Variants in CDH23 observed in about 807,000 individuals in gnomAD.
CDH23 encodes the protein cadherin-23.
CDH23 carries 189 observed loss-of-function variants against 317.1 expected under a neutral mutation model. The observed-to-expected ratio is 0.60, with a 90% CI of 0.53 to 0.67. The LOEUF is 0.67. Ranked by LOEUF, CDH23 falls within the 30% of genes least tolerant of loss-of-function variation. The pLI is 0.00. For missense variants in CDH23, 4,401 were observed against 4,592.4 expected (o/e 0.96, Z 1.20); for synonymous variants, 1,839 against 1,876.8 (o/e 0.98, Z 0.52).
intron 11 of CDH23, among the ~76,000 whole-genome samples, chr10:71,639,683 G>A (rs1347608362): frequency 1.3e-5 from 2 of 152,180 alleles, no homozygotes; most frequent in East Asian, 1.9e-4. Context: ...GGAGTGGACT[G>A]ACGCTGTCTT....
At chr10:71,610,113 T>C (rs1860785397) in intron 9 of CDH23, among the ~76,000 whole-genome samples, 1 of 152,136 alleles carries the variant, frequency 6.6e-6, no homozygotes, top group Non-Finnish European at 1.5e-5. Context: ...CAAACAATTC[T>C]CCTGCTCAGC....
intron 38 of CDH23, among the ~76,000 whole-genome samples, chr10:71,745,923 T>G (rs558690240): frequency 2.6e-5 from 4 of 152,366 alleles, no homozygotes; most frequent in African/African-American, 9.6e-5. Flanking sequence ...CTTGCCATCC[T>G]TTTACTCCCA....
chr10:71,730,487 G>A lies in CDH23; in HGVS notation c.3598G>A (p.Asp1200Asn). Residue 1200 changes from aspartate (D) to asparagine (N), a missense_variant, in exon 31 of 70, where the codon GAC becomes AAC. Asp to Asn is a conservative substitution (Grantham distance 23). Transcript: ENST00000224721. ...CCCACAGGTGATTGTGTACGTGGAG[G>A]ACATCAACGATGAGGCCCCCGTGTT... ...SSVRVIVYVE[D>N]INDEAPVFTQ... 1 of 1,613,850 alleles carries A rather than the reference G, an allele frequency of 6.2e-7. No individual in the cohort carries two copies. The highest frequency in any genetic ancestry group is 1.7e-4 in the Middle Eastern group (1 of 5,948).
At chr10:71,691,990 C>T (rs749611513) in intron 20 of CDH23, among the ~76,000 whole-genome samples, 29 of 152,172 alleles carry the variant, frequency 1.9e-4, no homozygotes, top group Non-Finnish European at 3.4e-4. Flanking sequence ...CTCTCAGGAG[C>T]TTCCCCCACA....
chr10:71,515,357 T>TTCTC (rs3059687), intron 6 of CDH23, among the ~76,000 whole-genome samples: 54 of 126,266 alleles, frequency 4.3e-4, no homozygotes, highest in South Asian at 2.6e-3. Context: ...ACCTGTCTGT[T>TTCTC]TCTCTCTCTC....
intron 15 of CDH23, among the ~76,000 whole-genome samples, chr10:71,675,499 C>T (rs533833175): frequency 1.3e-5 from 2 of 152,340 alleles, no homozygotes; most frequent in South Asian, 2.1e-4. Flanking sequence ...CACCGCCAGC[C>T]GCAGTTACTA....
intron 49 of CDH23, among the ~76,000 whole-genome samples, chr10:71,797,874 G>C (rs1489421752): frequency 6.6e-6 from 1 of 152,142 alleles, no homozygotes; most frequent in Non-Finnish European, 1.5e-5. Context: ...TCAGCCATGA[G>C]GTACAGACAG....
chr10:71,702,088 A>T lies in CDH23; in HGVS notation c.2464A>T (p.Lys822Ter). 1 of 1,613,950 alleles carries T rather than the reference A, an allele frequency of 6.2e-7. No individual in the cohort carries two copies. The highest frequency in any genetic ancestry group is 8.5e-7 in the Non-Finnish European group (1 of 1,179,892). Residue 822 changes from lysine to a stop codon, truncating the protein, a stop_gained, in exon 23 of 70, where the codon AAG becomes TAG. Coordinates refer to ENST00000224721, the MANE Select transcript of CDH23 (RefSeq NM_022124.6). LOFTEE classifies it high-confidence loss of function. ...TLVYSIQPPNKFYSLNSTTGK... is the reference protein window; with the variant it reads ...TLVYSIQPPN Reference sequence around the variant, plus strand: ...GGTGTACAGCATCCAGCCACCCAACAAGTTCTACAGCCTCAACAGCACCAC... The same window carrying T: ...GGTGTACAGCATCCAGCCACCCAACTAGTTCTACAGCCTCAACAGCACCAC...
chr10:71,554,935 C>T (rs529094612), intron 6 of CDH23, among the ~76,000 whole-genome samples: 10 of 152,272 alleles, frequency 6.6e-5, no homozygotes, highest in African/African-American at 2.2e-4. Context: ...TGGACTGTGA[C>T]CCAGAGTCTG....
At chr10:71,496,067 T>G (rs1450535537) in intron 3 of CDH23, among the ~76,000 whole-genome samples, 1 of 152,234 alleles carries the variant, frequency 6.6e-6, no homozygotes, top group Admixed American at 6.5e-5. Flanking sequence ...GAATCACTGC[T>G]CTAACCGGGT....
intron 9 of CDH23, among the ~76,000 whole-genome samples, chr10:71,594,456 C>G (rs1359860346): frequency 6.6e-6 from 1 of 152,188 alleles, no homozygotes; most frequent in African/African-American, 2.4e-5. Flanking sequence ...TCACCACAAA[C>G]TCCGCCTCCT....
chr10:71,623,734 A>C (rs1861577316), intron 11 of CDH23, among the ~76,000 whole-genome samples: 1 of 152,232 alleles, frequency 6.6e-6, no homozygotes, highest in African/African-American at 2.4e-5. Context: ...TTCCATGATC[A>C]TAGAACCCTA....
chr10:71,428,070 A>G (rs1228789855), intron 1 of CDH23, among the ~76,000 whole-genome samples: 1 of 151,554 alleles, frequency 6.6e-6, no homozygotes, highest in Non-Finnish European at 1.5e-5. Flanking sequence ...GTGTCATATT[A>G]TAGTCCCACC....
At chr10:71,650,046 T>C (rs1296455837) in intron 14 of CDH23, among the ~76,000 whole-genome samples, 2 of 152,148 alleles carry the variant, frequency 1.3e-5, no homozygotes, top group African/African-American at 2.4e-5. Flanking sequence ...TCAGCAACCT[T>C]CAGAGCTGAG....
chr10:71,559,879 G>A (rs117458809), intron 6 of CDH23, among the ~76,000 whole-genome samples: 2,316 of 152,370 alleles, frequency 0.015, 38 homozygotes, highest in Middle Eastern at 0.061. Context: ...CAGAGATGCC[G>A]GAGTATGGGT....
In CDH23 at chr10:71,702,529, T is replaced by C. The variant is rs1865630427; in HGVS notation, c.2588-20T>C. On this transcript the variant is annotated intron_variant, in intron 23 of 69. Transcript: ENST00000224721. ...CCATCTTACCCTGTCCTTGGCCCCT[T>C]CTCGCCCTGGTCTTCCCAGGTGGCA... 1.2e-6 allele frequency: 2 copies of C among 1,613,704 alleles called. No homozygotes were observed. The highest frequency in any genetic ancestry group is 2.7e-5 in the African/African-American group (2 of 74,918).
rs372588663 is a variant in CDH23 at position 71,566,884 on chromosome 10, G to A, written c.572G>A (p.Arg191Gln). Residue 191 changes from arginine to glutamine, a missense_variant, in exon 7 of 70, where the codon CGG (arginine) becomes CAG (glutamine). Physicochemically the swap from Arg to Gln is conservative, Grantham distance 43. Coordinates refer to ENST00000224721, the MANE Select transcript of CDH23 (RefSeq NM_022124.6). ...DSARGIVTVI[R>Q]ELDYETTQAY... ...GCCCGCGGTATCGTCACAGTGATCC[G>A]GGAGCTGGACTACGAGACCACACAG... 4.5e-5 allele frequency: 72 copies of A among 1,613,696 alleles called. No individual in the cohort carries two copies. Among genetic ancestry groups the A allele is most frequent in the Non-Finnish European group, 5.6e-5 (66 of 1,179,882 alleles).
At chr10:71,621,926 A>G (rs1310652640) in intron 11 of CDH23, among the ~76,000 whole-genome samples, 5 of 152,148 alleles carry the variant, frequency 3.3e-5, no homozygotes, top group Non-Finnish European at 7.4e-5. Context: ...GACACCAGGG[A>G]AGGAAAGGAC....
At chr10:71,611,082 A>G (rs902913528) in intron 9 of CDH23, among the ~76,000 whole-genome samples, 21 of 119,822 alleles carry the variant, frequency 1.8e-4, no homozygotes, top group Non-Finnish European at 1.0e-4. Context: ...CCAGCCCCCC[A>G]TGGGAATTGG....
Sources: gnomAD v4.1 joint callset for allele counts (sites outside exome capture counted in the v4.1 genomes callset) on GRCh38, gnomAD v4.1.1 for gene constraint, MANE v1.5 for transcripts, NCBI Gene and HGNC (gene_info 2026-07-23, HGNC 2026-07-21) for gene names.